The following MID2 variants were observed in gnomAD, a reference collection of about 807,000 sequenced individuals.
MID2 encodes probable E3 ubiquitin-protein ligase MID2.
MID2 carries 13 observed loss-of-function variants against 46.1 expected under a neutral mutation model. The observed-to-expected ratio is 0.28, with a 90% CI of 0.18 to 0.45. The LOEUF (loss-of-function observed/expected upper bound fraction) is 0.45. Ranked by LOEUF, MID2 falls within the 20% of genes least tolerant of loss-of-function variation. The pLI is 1.00. For missense variants in MID2, 431 were observed against 575.4 expected (o/e 0.75, Z 2.57); for synonymous variants, 199 against 212.3 (o/e 0.94, Z 0.55).
In MID2 at chrX:107,926,782, C is replaced by T; in HGVS notation, c.1917C>T (p.Asn639=). ...ATAGTAACTTCGTGGTGAGACACAA[C>T]AACAAGGAAATGCTGGTGGATGTGC... ...RCNSNFVVRH[N]NKEMLVDVPP... Residue 639 remains asparagine, a synonymous_variant, in exon 10 of 10, where the codon AAC becomes AAT. Coordinates refer to ENST00000262843, the MANE Select transcript of MID2 (RefSeq NM_012216.4). 8.3e-7 allele frequency: 1 copy of T among 1,211,553 alleles called. No homozygotes were observed. The highest frequency in any genetic ancestry group is 1.1e-6 in the Non-Finnish European group (1 of 895,341).
chrX:107,885,913 A>C (rs1932441176), intron 3 of MID2, among the ~76,000 whole-genome samples: 1 of 112,037 alleles, frequency 8.9e-6, no homozygotes, highest in African/African-American at 3.3e-5. Flanking sequence ...GGCTGCATAA[A>C]TGTCTTCTTT....
At chrX:107,850,335 C>A (rs1316971928) in intron 2 of MID2, among the ~76,000 whole-genome samples, 4 of 111,420 alleles carry the variant, frequency 3.6e-5, no homozygotes, top group Non-Finnish European at 5.7e-5. Context: ...CAGTGCTAGG[C>A]ATGATAAGGA....
intron 1 of MID2, among the ~76,000 whole-genome samples, chrX:107,839,254 G>T (rs1325578423): frequency 9.0e-6 from 1 of 111,700 alleles, no homozygotes; most frequent in Non-Finnish European, 1.9e-5. Context: ...ATTAATGGAA[G>T]ACTCTAGGCA....
rs189000989 is a variant in MID2 at position 107,914,153 on chromosome X, T to C, written c.1074-1849T>C. On this transcript the variant is annotated intron_variant, in intron 5 of 9. Coordinates refer to ENST00000262843, the MANE Select transcript of MID2 (RefSeq NM_012216.4). ...CACGTAATGTCTTTCTCCTTCATGA[T>C]GTGTGAGCTCTTGAAGGCAAGAACC... is the stretch of plus-strand genomic sequence containing the variant. Among the ~76,000 whole-genome samples, 4 of 112,371 alleles carry C rather than the reference T, an allele frequency of 3.6e-5. No individual in the cohort carries two copies. In the Admixed American group the frequency reaches 3.8e-4, roughly 11 times the overall value.
At chrX:107,905,701 C>A in intron 5 of MID2, 75 bp downstream of exon 5, 1 of 900,829 alleles carries the variant, frequency 1.1e-6, no homozygotes, top group Non-Finnish European at 1.5e-6. Context: ...AAAGTTCAGG[C>A]ATGTATCTAA....
chrX:107,928,518 T>C lies in MID2; in HGVS notation c.*1445T>C, dbSNP rs1933227810. Among the ~76,000 whole-genome samples the C allele has an allele frequency of 9.0e-6, 1 of 111,615 alleles. No homozygotes were observed. The highest frequency in any genetic ancestry group is 3.3e-5 in the African/African-American group (1 of 30,693). On this transcript the variant is annotated 3_prime_UTR_variant, in exon 10 of 10. Coordinates refer to ENST00000262843, the MANE Select transcript of MID2 (RefSeq NM_012216.4). ...CTTCTGGGATTTGTGAAAATATTACTGTTGTAAAATTACAAAGTGGTAGCC... is the reference window on the plus strand; with the variant it reads ...CTTCTGGGATTTGTGAAAATATTACCGTTGTAAAATTACAAAGTGGTAGCC...
intron 2 of MID2, among the ~76,000 whole-genome samples, chrX:107,845,607 G>A (rs1392665058): frequency 9.2e-6 from 1 of 108,249 alleles, no homozygotes. Flanking sequence ...AATGAGAAGG[G>A]AGATATGAGA....
intron 3 of MID2, among the ~76,000 whole-genome samples, chrX:107,861,917 G>C (rs745397661): frequency 1.8e-5 from 2 of 112,015 alleles, no homozygotes; most frequent in African/African-American, 6.5e-5. Context: ...AAAATGGTAT[G>C]TACGTCCTGG....
chrX:107,878,433 A>G (rs1299727066), intron 3 of MID2, among the ~76,000 whole-genome samples: 1 of 112,457 alleles, frequency 8.9e-6, no homozygotes, highest in African/African-American at 3.2e-5. Flanking sequence ...TCTGAATTGC[A>G]TATCTGATTG....
intron 1 of MID2, among the ~76,000 whole-genome samples, chrX:107,833,091 A>G (rs1931125153): frequency 8.9e-6 from 1 of 111,801 alleles, no homozygotes; most frequent in Non-Finnish European, 1.9e-5. Context: ...AGTGGCTGTG[A>G]TGTCTATCAC....
At position 107,895,787 on chromosome X, in the gene MID2, A is replaced by G. The variant is rs182433834; in HGVS notation, c.817-8171A>G. 6.2e-5 allele frequency: 7 copies of G among 112,420 alleles called. No homozygotes were observed. The East Asian group carries it at 2.0e-3, about 32-fold the overall frequency. 9.3% of individuals were successfully genotyped at this position (112,420 alleles called of 1,213,427 possible). ...CAGTAGATTGGAAAGAACACTGGAT[A>G]GGACTCAGAAGATCTGGCTCAAGCC... is the stretch of plus-strand genomic sequence containing the variant. On this transcript the variant is annotated intron_variant, in intron 3 of 9. Coordinates refer to ENST00000262843, the MANE Select transcript of MID2 (RefSeq NM_012216.4).
intron 1 of MID2, among the ~76,000 whole-genome samples, chrX:107,829,789 G>A (rs921059132): frequency 2.7e-5 from 3 of 111,708 alleles, no homozygotes; most frequent in Non-Finnish European, 5.6e-5. Flanking sequence ...TTGTTTTCAT[G>A]ACTACTAGAA....
At chrX:107,830,313 TGCCATTCAATCTTTATGAATCTTG>T (rs1010962852) in intron 1 of MID2, among the ~76,000 whole-genome samples, 5 of 112,205 alleles carry the variant, frequency 4.5e-5, no homozygotes, top group African/African-American at 1.6e-4. Context: ...TGTGTGTGTC[TGCCATTCAATCTTTATGAATCTTG>T]GTAATATCCT....
intron 3 of MID2, among the ~76,000 whole-genome samples, chrX:107,893,788 T>C (rs1932654395): frequency 8.9e-6 from 1 of 112,795 alleles, no homozygotes; most frequent in South Asian, 3.6e-4. Context: ...AGTATGTACT[T>C]TGAAGAGTTA....
intron 1 of MID2, among the ~76,000 whole-genome samples, chrX:107,828,911 G>A (rs1000902884): frequency 8.9e-6 from 1 of 111,877 alleles, no homozygotes; most frequent in African/African-American, 3.3e-5. Context: ...ACGAAGTCTC[G>A]CTCTGTCACC....
At chrX:107,836,260 C>CT (rs1319224433) in intron 1 of MID2, among the ~76,000 whole-genome samples, 92 of 104,959 alleles carry the variant, frequency 8.8e-4, no homozygotes, top group Admixed American at 1.2e-3. Flanking sequence ...GAACAAGTTA[C>CT]TTTTTTTTTT....
At chrX:107,864,929 AG>A (rs1931924610) in intron 3 of MID2, among the ~76,000 whole-genome samples, 1 of 111,830 alleles carries the variant, frequency 8.9e-6, no homozygotes, top group Admixed American at 9.5e-5. Flanking sequence ...ACCCTATCTC[AG>A]CCAGTCCTAA....
chrX:107,854,913 TG>T (rs1355532028), intron 3 of MID2, among the ~76,000 whole-genome samples: 1 of 111,314 alleles, frequency 9.0e-6, no homozygotes, highest in Non-Finnish European at 1.9e-5. Flanking sequence ...TGATGGACAG[TG>T]GGGGGATAAT....
chrX:107,890,280 G>C (rs945079804), intron 3 of MID2, among the ~76,000 whole-genome samples: 1 of 111,807 alleles, frequency 8.9e-6, no homozygotes, highest in Non-Finnish European at 1.9e-5. Context: ...TGATGGTGAC[G>C]TACAGATGGG....
Sources: gnomAD v4.1 joint callset for allele counts (sites outside exome capture counted in the v4.1 genomes callset) on GRCh38, gnomAD v4.1.1 for gene constraint, MANE v1.5 for transcripts, NCBI Gene and HGNC (gene_info 2026-07-23, HGNC 2026-07-21) for gene names.